Variants in LRRC4C observed in about 807,000 individuals in gnomAD.
LRRC4C encodes leucine-rich repeat-containing protein 4C.
In LRRC4C, 5 loss-of-function variants were observed where a neutral mutation model predicts 33.6. The observed-to-expected ratio is 0.15, with a 90% confidence interval of 0.08 to 0.31. LRRC4C has a LOEUF of 0.31. Among genes scored for constraint, LRRC4C ranks in the 10% least tolerant of loss-of-function variants. The probability of loss-of-function intolerance (pLI) is 1.00; values close to 1 mark genes in which losing one functional copy is unlikely to be tolerated. For synonymous variants in LRRC4C, 329 were observed against 302.0 expected (o/e 1.09, Z -0.93); for missense variants, 560 against 796.7 (o/e 0.70, Z 3.58).
chr11:41,212,251 G>A (rs77942436), intron 1 of LRRC4C, among the ~76,000 whole-genome samples: 160 of 152,172 alleles, frequency 1.1e-3, no homozygotes, highest in African/African-American at 3.7e-3. Flanking sequence ...TTGAAAATAC[G>A]TGTAAAGAAA....
At chr11:41,120,441 T>C (rs1033031423) in intron 1 of LRRC4C, among the ~76,000 whole-genome samples, 4 of 152,190 alleles carry the variant, frequency 2.6e-5, no homozygotes, top group Admixed American at 1.3e-4. Context: ...TATGGATTTA[T>C]ATGGATTTCA....
At chr11:40,488,700 C>T (rs11035865) in intron 3 of LRRC4C, among the ~76,000 whole-genome samples, 18,871 of 151,968 alleles carry the variant, frequency 0.12, 1,350 homozygotes, top group African/African-American at 0.17. Context: ...TGTATTCCTA[C>T]GAGTTATGGC....
At chr11:40,344,335 G>A (rs1398205497) in intron 3 of LRRC4C, among the ~76,000 whole-genome samples, 5 of 152,140 alleles carry the variant, frequency 3.3e-5, no homozygotes, top group Non-Finnish European at 5.9e-5. Context: ...TGGCATGCAA[G>A]GTTGGTTCAA....
In LRRC4C at chr11:40,779,462, G is replaced by T. The variant is rs139593270; in HGVS notation, c.-406-131184C>A. On this transcript the variant is annotated intron_variant, in intron 2 of 6. Coordinates refer to ENST00000528697, the MANE Select transcript of LRRC4C (RefSeq NM_001258419.2). ...TTGATTAATTGAAATATAAATCAGA[G>T]AAAACAAAAAATTAATGTAAAATTT... 4.6e-5 allele frequency among the ~76,000 whole-genome samples: 7 copies of T among 152,042 alleles called. No individual in the cohort carries two copies. The East Asian group carries it at 1.4e-3, about 29-fold the overall frequency.
intron 1 of LRRC4C, among the ~76,000 whole-genome samples, chr11:41,217,222 T>G (rs747479784): frequency 6.6e-6 from 1 of 152,222 alleles, no homozygotes; most frequent in Non-Finnish European, 1.5e-5. Context: ...AATTACTTAA[T>G]GACACTAACT....
At chr11:40,709,204 A>G (rs1250891167) in intron 2 of LRRC4C, among the ~76,000 whole-genome samples, 2 of 152,154 alleles carry the variant, frequency 1.3e-5, no homozygotes, top group African/African-American at 2.4e-5. Flanking sequence ...GCCCATTTAC[A>G]TTTCAGGTTA....
At chr11:40,822,429 G>A (rs981217827) in intron 2 of LRRC4C, among the ~76,000 whole-genome samples, 4 of 151,474 alleles carry the variant, frequency 2.6e-5, no homozygotes, top group Admixed American at 6.6e-5. Context: ...GGACACTTAG[G>A]TTGATTCTCT....
chr11:41,228,643 A>T (rs1359127723), intron 1 of LRRC4C, among the ~76,000 whole-genome samples: 2 of 152,082 alleles, frequency 1.3e-5, no homozygotes, highest in Admixed American at 1.3e-4. Context: ...CTGAAGATTG[A>T]TATCTTTTTT....
chr11:41,157,369 A>AAC (rs1163633373), intron 1 of LRRC4C, among the ~76,000 whole-genome samples: 5 of 152,286 alleles, frequency 3.3e-5, no homozygotes, highest in Admixed American at 3.3e-4. Flanking sequence ...GAAAGACCAC[A>AAC]TCACAAAGGT....
chr11:40,690,440 C>A (rs1032293941), intron 2 of LRRC4C, among the ~76,000 whole-genome samples: 7 of 152,010 alleles, frequency 4.6e-5, no homozygotes, highest in Non-Finnish European at 7.4e-5. Context: ...AGGGTTCACC[C>A]ATCATCACTT....
intron 1 of LRRC4C, among the ~76,000 whole-genome samples, chr11:41,341,866 C>T (rs1317612225): frequency 6.6e-6 from 1 of 152,174 alleles, no homozygotes; most frequent in Non-Finnish European, 1.5e-5. Flanking sequence ...GCTCTGTTGT[C>T]TTTGGCTTTG....
intron 2 of LRRC4C, among the ~76,000 whole-genome samples, chr11:40,653,264 T>C (rs1188161629): frequency 6.6e-6 from 1 of 152,148 alleles, no homozygotes; most frequent in African/African-American, 2.4e-5. Context: ...GGGCTTAGAA[T>C]AAGACAGAAA....
At chr11:40,342,266 C>G (rs1458005595) in intron 3 of LRRC4C, among the ~76,000 whole-genome samples, 2 of 152,026 alleles carry the variant, frequency 1.3e-5, no homozygotes, top group Admixed American at 1.3e-4. Context: ...GTCAACAGAT[C>G]AAGACAATCC....
At chr11:41,279,144 CT>C (rs1565541907) in intron 1 of LRRC4C, among the ~76,000 whole-genome samples, 3 of 152,078 alleles carry the variant, frequency 2.0e-5, no homozygotes, top group Non-Finnish European at 4.4e-5. Context: ...AGATTTTGTT[CT>C]TTTATGTGGC....
chr11:40,921,412 C>A (rs1179786557), intron 2 of LRRC4C, among the ~76,000 whole-genome samples: 6 of 152,142 alleles, frequency 3.9e-5, no homozygotes, highest in Admixed American at 1.3e-4. Context: ...CTGCTGACAG[C>A]CAGCCAGGAG....
chr11:40,726,876 G>T (rs1403150302), intron 2 of LRRC4C, among the ~76,000 whole-genome samples: 3 of 151,886 alleles, frequency 2.0e-5, no homozygotes, highest in Admixed American at 6.6e-5. Flanking sequence ...CTGCCAAAAG[G>T]CTCCTCGGCC....
chr11:41,089,797 G>A (rs891252497), intron 1 of LRRC4C, among the ~76,000 whole-genome samples: 11 of 151,808 alleles, frequency 7.2e-5, no homozygotes, highest in African/African-American at 9.7e-5. Flanking sequence ...AAATTATGTC[G>A]AAACGATAAT....
intron 3 of LRRC4C, among the ~76,000 whole-genome samples, chr11:40,539,413 C>T (rs1031535805): frequency 3.8e-4 from 58 of 152,182 alleles, no homozygotes; most frequent in African/African-American, 1.3e-3. Context: ...CATAGATTGA[C>T]TCATTTATCT....
rs192898641 is a variant in LRRC4C, at chr11:41,005,382, T to A, written c.-495-71659A>T. On this transcript the variant is annotated intron_variant, in intron 1 of 6. Transcript: ENST00000528697. Reference sequence around the variant, plus strand: ...ACTTTGGGAGGCCAAGGTGGGTGGATCGCTTAAGATCAGGAGTTTGAGACC... The same window carrying A: ...ACTTTGGGAGGCCAAGGTGGGTGGAACGCTTAAGATCAGGAGTTTGAGACC... Among the ~76,000 whole-genome samples the A allele has an allele frequency of 5.9e-3, 899 of 152,270 alleles. 9 individuals carry two copies. The highest frequency in any genetic ancestry group is 0.021 in the African/African-American group (863 of 41,550).
Sources: allele counts gnomAD v4.1 joint callset (sites outside exome capture counted in the v4.1 genomes callset), GRCh38; gene constraint gnomAD v4.1.1; transcripts MANE v1.5; gene names NCBI Gene and HGNC (gene_info 2026-07-23, HGNC 2026-07-21).